TEKT3: variants seen among roughly 807,000 people sequenced by gnomAD.
TEKT3 encodes the protein tektin-3.
In TEKT3, 49 loss-of-function variants were observed where a neutral mutation model predicts 49.8. The ratio of observed to expected loss-of-function variants is 0.98; its 90% confidence interval spans 0.78 to 1.25. TEKT3 has a LOEUF of 1.25. TEKT3 is among the 50% of genes most tolerant of loss of function. The pLI is 0.00. For missense variants in TEKT3, 595 were observed against 629.5 expected, an observed-to-expected ratio of 0.95 and a Z score of 0.59; for synonymous variants, 225 against 237.2, an observed-to-expected ratio of 0.95 and a Z score of 0.47.
Position 15,331,114 on chromosome 17 carries a change from A to G in TEKT3, c.472T>C (p.Ser158Pro). The change falls in exon 3 of 9, where the codon TCT becomes CCT. Residue 158 changes from serine (S) to proline (P), a missense_variant. Coordinates refer to ENST00000395930, the MANE Select transcript of TEKT3 (RefSeq NM_031898.3). ...ERVNDIGFWK[S>P]EIIHELDEMI... ...TCATCCAACTCATGAATGATTTCAG[A>G]TTTCCAAAACCCTATGTCATTGACA... The G allele has an allele frequency of 6.2e-7, 1 of 1,614,136 alleles. No individual in the cohort carries two copies. The highest frequency in any genetic ancestry group is 8.5e-7 in the Non-Finnish European group (1 of 1,180,014).
intron 4 of TEKT3, among the ~76,000 whole-genome samples, chr17:15,320,794 T>C (rs1911219527): frequency 6.6e-6 from 1 of 152,174 alleles, no homozygotes; most frequent in Admixed American, 6.5e-5. Context: ...AGTTTTTATC[T>C]TTCTCAGTGC....
intron 7 of TEKT3, among the ~76,000 whole-genome samples, chr17:15,311,716 A>G (rs2150735569): frequency 6.6e-6 from 1 of 152,342 alleles, no homozygotes; most frequent in East Asian, 1.9e-4. Flanking sequence ...CAAGACTGAT[A>G]TGAAGGAAAG....
At chr17:15,308,444 T>A (rs1222196807) in intron 8 of TEKT3, among the ~76,000 whole-genome samples, 1 of 152,220 alleles carries the variant, frequency 6.6e-6, no homozygotes, top group Non-Finnish European at 1.5e-5. Context: ...TTAAGTACAT[T>A]CACACTGTTG....
chr17:15,325,763 T>C (rs1879138227), intron 4 of TEKT3, among the ~76,000 whole-genome samples: 1 of 152,174 alleles, frequency 6.6e-6, no homozygotes, highest in Admixed American at 6.5e-5. Flanking sequence ...ATACAGAACA[T>C]CTCAGGATTA....
At chr17:15,314,422 CCT>C in intron 5 of TEKT3, 192 bp from the exon 6 acceptor site, 3 of 605,384 alleles carry the variant, frequency 5.0e-6, no homozygotes, top group East Asian at 3.3e-5. Flanking sequence ...TCACTGGGAC[CCT>C]AACTCCCACC....
intron 5 of TEKT3, among the ~76,000 whole-genome samples, chr17:15,315,309 GCAGGGCCCTAATGGACA>G (rs1910952376): frequency 1.3e-5 from 2 of 152,208 alleles, no homozygotes; most frequent in African/African-American, 4.8e-5. Flanking sequence ...ATCAGATCAT[GCAGGGCCCTAATGGACA>G]TGGGAATGAA....
Position 15,331,223 on chromosome 17 carries a change from T to C in TEKT3, c.363A>G (p.Arg121=). 1 of 1,614,220 alleles carries C rather than the reference T, an allele frequency of 6.2e-7. No individual in the cohort carries two copies. The highest frequency in any genetic ancestry group is 8.5e-7 in the Non-Finnish European group (1 of 1,180,038). Residue 121 remains arginine, a synonymous_variant, in exon 3 of 9, where the codon AGA becomes AGG. Transcript: ENST00000395930. Reference sequence around the variant, plus strand: ...CTTGAATCAGGCGAGATGTATCCACTCTTAGTTTCTCCGAATTATGTCGGG... The same window carrying C: ...CTTGAATCAGGCGAGATGTATCCACCCTTAGTTTCTCCGAATTATGTCGGG... ...NTSRHNSEKL[R]VDTSRLIQDK...
At chr17:15,316,924 A>G (rs1192373550) in intron 5 of TEKT3, among the ~76,000 whole-genome samples, 2 of 152,158 alleles carry the variant, frequency 1.3e-5, no homozygotes, top group Non-Finnish European at 2.9e-5. Flanking sequence ...GCAGCATCCC[A>G]TCACCACGTC....
intron 2 of TEKT3, among the ~76,000 whole-genome samples, chr17:15,334,425 G>A (rs978415778): frequency 2.0e-5 from 3 of 152,178 alleles, no homozygotes; most frequent in East Asian, 1.9e-4. Flanking sequence ...GGAATTTCAC[G>A]TGTAGAATGC....
At chr17:15,324,954 T>G (rs869068089) in intron 4 of TEKT3, among the ~76,000 whole-genome samples, 1 of 151,962 alleles carries the variant, frequency 6.6e-6, no homozygotes, top group Non-Finnish European at 1.5e-5. Flanking sequence ...TTTTGTATGT[T>G]TGATTTGGAA....
rs1156667729 is a variant in TEKT3, at chr17:15,314,099, C to T, written c.866G>A (p.Arg289Lys). ...DGVGYFRGVE[R>K]VDATVSVPES... Reference sequence around the variant, plus strand: ...GTGCCTGACTTACGTTGCATCGACCCTCTCCACTCCGCGGAAGTAGCCGAC... The same window carrying T: ...GTGCCTGACTTACGTTGCATCGACCTTCTCCACTCCGCGGAAGTAGCCGAC... Residue 289 changes from arginine to lysine, a missense_variant, in exon 6 of 9, where the codon AGG becomes AAG. Transcript: ENST00000395930. 7 of 1,614,212 alleles carry T rather than the reference C, an allele frequency of 4.3e-6. No homozygotes were observed. Among genetic ancestry groups the T allele is most frequent in the Non-Finnish European group, 5.9e-6 (7 of 1,180,046 alleles).
intron 4 of TEKT3, among the ~76,000 whole-genome samples, chr17:15,326,332 A>C (rs1911488999): frequency 6.6e-6 from 1 of 152,198 alleles, no homozygotes; most frequent in Non-Finnish European, 1.5e-5. Context: ...CTGCAGCAGA[A>C]ATTCTGTGAA....
intron 5 of TEKT3, among the ~76,000 whole-genome samples, chr17:15,316,296 C>T (rs1295563216): frequency 1.3e-5 from 2 of 152,144 alleles, no homozygotes; most frequent in African/African-American, 4.8e-5. Flanking sequence ...TGTTACAGTT[C>T]ACCTCTTGGG....
chr17:15,303,856 T>C lies in TEKT3; in HGVS notation c.*80A>G. The C allele has an allele frequency of 2.3e-6, 3 of 1,285,638 alleles. No individual in the cohort carries two copies. The highest frequency in any genetic ancestry group is 3.4e-6 in the Non-Finnish European group (3 of 889,114). 79.6% of individuals were successfully genotyped at this position (1,285,638 alleles called of 1,614,324 possible). A position where few individuals can be genotyped will look rare whatever the true frequency, so the allele number is the denominator to read the frequency against. On this transcript the variant is annotated 3_prime_UTR_variant, in exon 9 of 9. Coordinates refer to ENST00000395930, the MANE Select transcript of TEKT3 (RefSeq NM_031898.3). ...ATAATCCTTTAATAAGTGACTATAT[T>C]AGCATTCGGTTCAAATGCTGAGACA...
In TEKT3 at chr17:15,304,160, A is replaced by G; in HGVS notation, c.1257-8T>C. 2 of 1,614,110 alleles carry G rather than the reference A, an allele frequency of 1.2e-6. No homozygotes were observed. The highest frequency in any genetic ancestry group is 1.1e-5 in the South Asian group (1 of 91,078). ...TGTACCTCGTTAACAAGGCTGCAGCATAAAGGAATCAGCATGGTTAGGTCA... is the reference window on the plus strand; with the variant it reads ...TGTACCTCGTTAACAAGGCTGCAGCGTAAAGGAATCAGCATGGTTAGGTCA... On this transcript the variant is annotated splice_polypyrimidine_tract_variant and splice_region_variant and intron_variant, in intron 8 of 8. Transcript: ENST00000395930. The surrounding 1 kb of genome is among the most constrained non-coding windows in gnomAD (Gnocchi z 4.7).
intron 1 of TEKT3, 51 bp from the exon 2 acceptor site, chr17:15,340,112 T>C (rs1053969372): frequency 2.0e-5 from 3 of 152,200 alleles, no homozygotes; most frequent in African/African-American, 7.2e-5. Flanking sequence ...AATTCCTTTC[T>C]AGTATTTTTA....
intron 2 of TEKT3, among the ~76,000 whole-genome samples, chr17:15,337,274 G>A (rs1912016458): frequency 6.6e-6 from 1 of 151,944 alleles, no homozygotes; most frequent in African/African-American, 2.4e-5. Context: ...GAACCACTGA[G>A]CTGGAGCAAT....
At chr17:15,321,364 T>C (rs1027306444) in intron 4 of TEKT3, among the ~76,000 whole-genome samples, 1 of 151,126 alleles carries the variant, frequency 6.6e-6, no homozygotes, top group Non-Finnish European at 1.5e-5. Flanking sequence ...TGCCAGATGG[T>C]TGGAGGCAGA....
In TEKT3 at chr17:15,304,284, G is replaced by A. The variant is rs917210247; in HGVS notation, c.1257-132C>T. ...GGATATATTTATCAGCAAATGAGAGGTGCATGAAATTAATAAAATATAAAG... is the reference window on the plus strand; with the variant it reads ...GGATATATTTATCAGCAAATGAGAGATGCATGAAATTAATAAAATATAAAG... On this transcript the variant is annotated intron_variant, in intron 8 of 8. Transcript: ENST00000395930. The surrounding 1 kb of genome is among the most constrained non-coding windows in gnomAD (Gnocchi z 4.7). The A allele has an allele frequency of 2.5e-6, 2 of 807,678 alleles. No individual in the cohort carries two copies. Among genetic ancestry groups the A allele is most frequent in the African/African-American group, 3.5e-5 (2 of 57,640 alleles). 50.0% of individuals were successfully genotyped at this position (807,678 alleles called of 1,614,324 possible).
Sources: gnomAD v4.1 joint callset for allele counts (sites outside exome capture counted in the v4.1 genomes callset) on GRCh38, gnomAD v4.1.1 for gene constraint, Gnocchi (gnomAD v3.1) non-coding constraint, MANE v1.5 for transcripts, NCBI Gene and HGNC (gene_info 2026-07-23, HGNC 2026-07-21) for gene names.